Variants in RABGAP1L observed in about 807,000 individuals in gnomAD.
RABGAP1L encodes RAB GTPase activating protein 1 like.
Under a neutral mutation model 137.7 loss-of-function variants are expected in RABGAP1L, and 63 were observed. The observed-to-expected ratio is 0.46, with a 90% CI of 0.37 to 0.56. The LOEUF (loss-of-function observed/expected upper bound fraction) is 0.56. Among genes scored for constraint, RABGAP1L ranks in the 20% least tolerant of loss-of-function variants. The pLI is 0.00. For synonymous variants in RABGAP1L, 431 were observed against 433.7 expected (o/e 0.99, Z 0.08); for missense variants, 1,095 against 1,244.0 (o/e 0.88, Z 1.80).
chr1:174,436,469 G>C (rs914981025), intron 13 of RABGAP1L, among the ~76,000 whole-genome samples: 3 of 152,230 alleles, frequency 2.0e-5, no homozygotes, highest in Admixed American at 6.5e-5. Flanking sequence ...AGAAGTGTCT[G>C]TTCATATCCT....
In RABGAP1L at chr1:174,826,217, G is replaced by A. The variant is rs137935438; in HGVS notation, c.2340+14257G>A. Among the ~76,000 whole-genome samples the A allele has an allele frequency of 4.0e-3, 602 of 152,174 alleles. 4 individuals carry two copies. Among genetic ancestry groups the A allele is most frequent in the African/African-American group, 0.014 (566 of 41,530 alleles). On this transcript the variant is annotated intron_variant, in intron 19 of 25. Coordinates refer to ENST00000681986, the MANE Select transcript of RABGAP1L (RefSeq NM_001366446.1). ...GTTGCATCCACGTTGCTGCAGAAAA[G>A]GTGATTTCAGTTTTCTTTTTTTCTT...
chr1:174,685,685 T>C (rs1187546219), intron 15 of RABGAP1L, among the ~76,000 whole-genome samples: 1 of 152,022 alleles, frequency 6.6e-6, no homozygotes, highest in Non-Finnish European at 1.5e-5. Flanking sequence ...TGCCTCAGCC[T>C]CCCAAGTAGC....
chr1:174,369,212 T>A (rs1684894813), intron 11 of RABGAP1L, among the ~76,000 whole-genome samples: 1 of 152,112 alleles, frequency 6.6e-6, no homozygotes, highest in African/African-American at 2.4e-5. Flanking sequence ...TTTTTTGAGA[T>A]GAGGTCTCAC....
chr1:174,520,007 A>G (rs1663225669), intron 13 of RABGAP1L, among the ~76,000 whole-genome samples: 1 of 152,210 alleles, frequency 6.6e-6, no homozygotes, highest in South Asian at 2.1e-4. Context: ...TGCTGGCTAT[A>G]CAGCATCAGG....
In RABGAP1L at chr1:174,763,166, G is replaced by A. The variant is rs1970756; in HGVS notation, c.2211+10812G>A. Among the ~76,000 whole-genome samples the A allele has an allele frequency of 9.5e-3, 1,440 of 152,028 alleles. 11 individuals carry two copies. Among genetic ancestry groups the A allele is most frequent in the Non-Finnish European group, 0.014 (926 of 67,992 alleles). ...TAATTGCTCTTGTCCCCAGTATTTAGCTTCTCTCATTTTCATTATTGAGAT... is the reference window on the plus strand; with the variant it reads ...TAATTGCTCTTGTCCCCAGTATTTAACTTCTCTCATTTTCATTATTGAGAT... On this transcript the variant is annotated intron_variant, in intron 18 of 25. Coordinates refer to ENST00000681986, the MANE Select transcript of RABGAP1L (RefSeq NM_001366446.1).
intron 19 of RABGAP1L, among the ~76,000 whole-genome samples, chr1:174,944,859 G>T (rs1168366432): frequency 6.6e-6 from 1 of 152,110 alleles, no homozygotes; most frequent in Non-Finnish European, 1.5e-5. Context: ...TTATACATTA[G>T]TTTCAAATTA....
chr1:174,161,977 T>G (rs1394293843), intron 1 of RABGAP1L, among the ~76,000 whole-genome samples: 1 of 151,462 alleles, frequency 6.6e-6, no homozygotes, highest in African/African-American at 2.4e-5. Context: ...AGGCAGTCCT[T>G]GCGCCTCAGC....
intron 4 of RABGAP1L, 74 bp from the exon 5 acceptor site, chr1:174,241,409 A>G: frequency 1.9e-6 from 2 of 1,054,722 alleles, no homozygotes; most frequent in East Asian, 2.7e-5. Context: ...TTTAAAAAAA[A>G]AAACCTAACT....
At chr1:174,756,578 TG>T (rs1684783664) in intron 18 of RABGAP1L, among the ~76,000 whole-genome samples, 1 of 150,284 alleles carries the variant, frequency 6.7e-6, no homozygotes, top group African/African-American at 2.5e-5. Context: ...AAATTGAGGG[TG>T]GGGGTGAGGG....
chr1:174,232,901 G>T (rs151157341), intron 4 of RABGAP1L, among the ~76,000 whole-genome samples: 1 of 151,698 alleles, frequency 6.6e-6, no homozygotes, highest in Non-Finnish European at 1.5e-5. Context: ...TCCCCTCTTC[G>T]TCCTTCCTTC....
intron 10 of RABGAP1L, among the ~76,000 whole-genome samples, chr1:174,291,680 ATGT>A (rs1676619634): frequency 6.6e-6 from 1 of 152,050 alleles, no homozygotes; most frequent in Non-Finnish European, 1.5e-5. Flanking sequence ...ATTTCTTGAA[ATGT>A]TGGTGATTTG....
intron 20 of RABGAP1L, among the ~76,000 whole-genome samples, chr1:174,962,706 C>T (rs907351112): frequency 1.3e-5 from 2 of 151,780 alleles, no homozygotes; most frequent in Non-Finnish European, 2.9e-5. Context: ...AATTAGTATA[C>T]ATTTCTTACC....
intron 12 of RABGAP1L, among the ~76,000 whole-genome samples, chr1:174,387,607 T>C (rs899208286): frequency 2.6e-5 from 4 of 151,476 alleles, no homozygotes; most frequent in Non-Finnish European, 5.9e-5. Context: ...GAGAAACAAA[T>C]TGGGAAGTAA....
At chr1:174,798,386 G>A (rs1157408442) in intron 18 of RABGAP1L, among the ~76,000 whole-genome samples, 1 of 151,346 alleles carries the variant, frequency 6.6e-6, no homozygotes, top group Non-Finnish European at 1.5e-5. Context: ...CTGGGTGACA[G>A]AGCGACAATC....
chr1:174,433,197 A>G (rs1035220030), intron 13 of RABGAP1L, among the ~76,000 whole-genome samples: 9 of 152,198 alleles, frequency 5.9e-5, no homozygotes. Context: ...CCATCATGCC[A>G]ACCCAAATCT....
At chr1:174,274,107 T>A (rs919223261) in intron 8 of RABGAP1L, among the ~76,000 whole-genome samples, 1 of 152,168 alleles carries the variant, frequency 6.6e-6, no homozygotes, top group African/African-American at 2.4e-5. Flanking sequence ...GTTATTTTTT[T>A]ATAATCACCT....
At chr1:174,820,182 T>C (rs1159295227) in intron 19 of RABGAP1L, among the ~76,000 whole-genome samples, 2 of 152,162 alleles carry the variant, frequency 1.3e-5, no homozygotes, top group Non-Finnish European at 2.9e-5. Context: ...AGTCCAAATG[T>C]ATATATGAAG....
intron 19 of RABGAP1L, among the ~76,000 whole-genome samples, chr1:174,829,995 C>T (rs1224772876): frequency 1.4e-5 from 2 of 148,024 alleles, no homozygotes; most frequent in Non-Finnish European, 1.5e-5. Context: ...TGTGAGTTGG[C>T]TAGGTGGTTC....
In RABGAP1L at chr1:174,452,801, T is replaced by C. The variant is rs527406521; in HGVS notation, c.1710+58656T>C. On this transcript the variant is annotated intron_variant, in intron 13 of 25. Transcript: ENST00000681986. ...TGGTCTTGATCTCCTGACCTCGTGA[T>C]CTGCCTGCCTTGGCCTCCTGAAGTG... Among the ~76,000 whole-genome samples the C allele has an allele frequency of 2.0e-5, 3 of 152,220 alleles. No individual in the cohort carries two copies. In the East Asian group the frequency reaches 5.8e-4, roughly 29 times the overall value.
Sources: allele counts gnomAD v4.1 joint callset (sites outside exome capture counted in the v4.1 genomes callset), GRCh38; gene constraint gnomAD v4.1.1; transcripts MANE v1.5; gene names NCBI Gene and HGNC (gene_info 2026-07-23, HGNC 2026-07-21).